Variants in RALYL observed in about 807,000 individuals in gnomAD.
The protein encoded by RALYL is RNA-binding Raly-like protein.
Under a neutral mutation model 35.1 loss-of-function variants are expected in RALYL, and 29 were observed. The observed-to-expected ratio is 0.83, with a 90% confidence interval of 0.61 to 1.13. The LOEUF (loss-of-function observed/expected upper bound fraction) is 1.13, where lower values mean the gene tolerates loss of function less well. Among genes scored for constraint, RALYL ranks in the 50% most tolerant of loss-of-function variants. The probability of loss-of-function intolerance (pLI) is 0.00; values close to 1 mark genes in which losing one functional copy is unlikely to be tolerated. For synonymous variants in RALYL, 120 were observed against 127.6 expected (o/e 0.94, Z 0.40); for missense variants, 359 against 360.4 (o/e 1.00, Z 0.03).
At chr8:84,698,633 A>G (rs1564394940) in intron 2 of RALYL, among the ~76,000 whole-genome samples, 1 of 152,116 alleles carries the variant, frequency 6.6e-6, no homozygotes, top group Non-Finnish European at 1.5e-5. Context: ...AAGAAACCCC[A>G]CAGAATAGAA....
At chr8:84,683,152 T>C (rs1835966305) in intron 2 of RALYL, among the ~76,000 whole-genome samples, 1 of 152,180 alleles carries the variant, frequency 6.6e-6, no homozygotes, top group Non-Finnish European at 1.5e-5. Flanking sequence ...TTGAGTGGTT[T>C]TGAGTGAGTT....
chr8:84,575,290 G>A (rs1431210763), intron 2 of RALYL, among the ~76,000 whole-genome samples: 1 of 152,018 alleles, frequency 6.6e-6, no homozygotes, highest in Admixed American at 6.6e-5. Flanking sequence ...TCTTGTATTT[G>A]AGATATATGT....
At chr8:84,615,568 GTCTTTTT>G (rs1819327554) in intron 2 of RALYL, among the ~76,000 whole-genome samples, 1 of 63,340 alleles carries the variant, frequency 1.6e-5, no homozygotes, top group Admixed American at 1.6e-4. Context: ...TAGAACTTTC[GTCTTTTT>G]TTTTTTTTTT....
intron 1 of RALYL, among the ~76,000 whole-genome samples, chr8:84,236,922 T>A (rs1244126345): frequency 8.5e-5 from 13 of 152,188 alleles, no homozygotes; most frequent in Admixed American, 8.5e-4. Flanking sequence ...GTAGTATAAT[T>A]TACTTAATTA....
chr8:84,709,984 C>T (rs1841897714), intron 2 of RALYL, among the ~76,000 whole-genome samples: 1 of 152,008 alleles, frequency 6.6e-6, no homozygotes, highest in Non-Finnish European at 1.5e-5. Flanking sequence ...TCGCTTGAAC[C>T]CAAGAGGTGG....
At chr8:84,452,525 T>C (rs1479547219) in intron 1 of RALYL, among the ~76,000 whole-genome samples, 1 of 151,888 alleles carries the variant, frequency 6.6e-6, no homozygotes, top group East Asian at 1.9e-4. Flanking sequence ...TAGTAAAAAA[T>C]AAAGTAAGCA....
intron 2 of RALYL, among the ~76,000 whole-genome samples, chr8:84,740,956 T>G (rs1032475535): frequency 1.3e-5 from 2 of 151,932 alleles, no homozygotes; most frequent in African/African-American, 4.8e-5. Context: ...TTTTGTATAT[T>G]AGGTACTCTG....
At chr8:84,732,506 G>A (rs115831031) in intron 2 of RALYL, among the ~76,000 whole-genome samples, 1,890 of 151,674 alleles carry the variant, frequency 0.012, 44 homozygotes, top group African/African-American at 0.043. Context: ...AAAAACTTCA[G>A]GGTCACAAAG....
At chr8:84,218,611 C>T (rs1821413534) in intron 1 of RALYL, among the ~76,000 whole-genome samples, 2 of 151,990 alleles carry the variant, frequency 1.3e-5, no homozygotes, top group Admixed American at 1.3e-4. Flanking sequence ...GTCAGAACTC[C>T]AGTGAGGTTT....
intron 2 of RALYL, among the ~76,000 whole-genome samples, chr8:84,573,951 C>T (rs1361134308): frequency 6.6e-6 from 1 of 151,710 alleles, no homozygotes; most frequent in Non-Finnish European, 1.5e-5. Context: ...CCTGCTCTTT[C>T]ATTTCTTTCT....
chr8:84,301,578 C>CAATGGGAG (rs151097126), intron 1 of RALYL, among the ~76,000 whole-genome samples: 4,101 of 152,074 alleles, frequency 0.027, 100 homozygotes, highest in Non-Finnish European at 0.031. Flanking sequence ...TCTTAATAAT[C>CAATGGGAG]AATGGGAGAA....
chr8:84,383,683 G>A (rs1225534430), intron 1 of RALYL, among the ~76,000 whole-genome samples: 1 of 151,068 alleles, frequency 6.6e-6, no homozygotes, highest in Non-Finnish European at 1.5e-5. Flanking sequence ...CTGAAGTGGA[G>A]TGTAGAATTG....
chr8:84,236,735 G>A (rs1826656888), intron 1 of RALYL, among the ~76,000 whole-genome samples: 1 of 152,186 alleles, frequency 6.6e-6, no homozygotes, highest in South Asian at 2.1e-4. Flanking sequence ...GGTGACTGCA[G>A]TGATATTATT....
chr8:84,529,681 C>A, intron 2 of RALYL, 104 bp downstream of exon 2: 3 of 862,996 alleles, frequency 3.5e-6, no homozygotes, highest in Non-Finnish European at 3.4e-6. Flanking sequence ...TCTTCTTTAA[C>A]CAATTAGAGT....
At chr8:84,781,374 C>T (rs1050373060) in intron 3 of RALYL, among the ~76,000 whole-genome samples, 1 of 152,088 alleles carries the variant, frequency 6.6e-6, no homozygotes, top group African/African-American at 2.4e-5. Context: ...TGACACAATA[C>T]CCATTAAATA....
intron 1 of RALYL, among the ~76,000 whole-genome samples, chr8:84,400,968 A>G (rs1208223780): frequency 6.6e-6 from 1 of 152,214 alleles, no homozygotes; most frequent in Non-Finnish European, 1.5e-5. Context: ...CCAATGACTC[A>G]TCAACTTAGT....
chr8:84,618,351 T>C (rs1416271980), intron 2 of RALYL, among the ~76,000 whole-genome samples: 1 of 151,788 alleles, frequency 6.6e-6, no homozygotes, highest in Non-Finnish European at 1.5e-5. Flanking sequence ...AATTTATCCA[T>C]TTCTTCTAGA....
intron 2 of RALYL, among the ~76,000 whole-genome samples, chr8:84,755,481 A>T (rs564587620): frequency 2.0e-5 from 3 of 152,168 alleles, no homozygotes; most frequent in Admixed American, 2.0e-4. Flanking sequence ...AACAAACTCT[A>T]TAACCATAAA....
intron 2 of RALYL, among the ~76,000 whole-genome samples, chr8:84,706,874 G>T (rs923063648): frequency 3.3e-5 from 5 of 152,058 alleles, no homozygotes; most frequent in Non-Finnish European, 7.4e-5. Flanking sequence ...ATTGTCTAAA[G>T]TAAATAATAC....
Sources: allele counts gnomAD v4.1 joint callset (sites outside exome capture counted in the v4.1 genomes callset), GRCh38; gene constraint gnomAD v4.1.1; transcripts MANE v1.5; gene names NCBI Gene and HGNC (gene_info 2026-07-23, HGNC 2026-07-21).